Variants in CPNE8 observed in about 807,000 individuals in gnomAD.
The protein encoded by CPNE8 is copine-8.
Under a neutral mutation model 81.5 loss-of-function variants are expected in CPNE8, and 45 were observed. The ratio of observed to expected loss-of-function variants is 0.55; its 90% confidence interval spans 0.44 to 0.71. The LOEUF (loss-of-function observed/expected upper bound fraction) is 0.71, where lower values mean the gene tolerates loss of function less well. CPNE8 is among the 30% of genes least tolerant of loss of function. The probability of loss-of-function intolerance (pLI) is 0.00; values close to 1 mark genes in which losing one functional copy is unlikely to be tolerated. For missense variants in CPNE8, 594 were observed against 672.1 expected (o/e 0.88, Z 1.28); for synonymous variants, 252 against 226.3 (o/e 1.11, Z -1.02).
Position 38,672,816 on chromosome 12 carries a change from A to G in CPNE8, c.1433-2014T>C, listed in dbSNP as rs575883965. ...CAGAGTTAAATTTAAATAATCTAAT[A>G]GTCTATTCTTATTTCCTGTACCTTC... On this transcript the variant is annotated intron_variant, in intron 18 of 19. Coordinates refer to ENST00000331366, the MANE Select transcript of CPNE8 (RefSeq NM_153634.3). 6.6e-5 allele frequency among the ~76,000 whole-genome samples: 10 copies of G among 152,334 alleles called. No individual in the cohort carries two copies. In the East Asian group the frequency reaches 1.9e-3, roughly 29 times the overall value.
chr12:38,704,673 T>C (rs1247625932), intron 13 of CPNE8, among the ~76,000 whole-genome samples: 1 of 151,734 alleles, frequency 6.6e-6, no homozygotes, highest in Admixed American at 6.6e-5. Flanking sequence ...AGTGATCCTG[T>C]GGCTGATTGG....
chr12:38,685,414 T>C, intron 16 of CPNE8, 76 bp downstream of exon 16: 2 of 1,471,608 alleles, frequency 1.4e-6, no homozygotes, highest in Non-Finnish European at 1.8e-6. Flanking sequence ...ATGTGTGGAG[T>C]CATGCTAGCA....
intron 5 of CPNE8, among the ~76,000 whole-genome samples, chr12:38,838,516 C>A (rs1943420375): frequency 6.6e-6 from 1 of 152,166 alleles, no homozygotes; most frequent in South Asian, 2.1e-4. Context: ...ATAACTTTGA[C>A]TATAAAATGC....
chr12:38,819,542 C>T (rs922489126), intron 6 of CPNE8, among the ~76,000 whole-genome samples: 27 of 151,630 alleles, frequency 1.8e-4, no homozygotes, highest in African/African-American at 5.8e-4. Context: ...CCGAGGCAGG[C>T]GGATCACAAG....
At chr12:38,690,291 A>ATTTAGGATGAG (rs1939644263) in intron 15 of CPNE8, among the ~76,000 whole-genome samples, 1 of 152,182 alleles carries the variant, frequency 6.6e-6, no homozygotes, top group Non-Finnish European at 1.5e-5. Flanking sequence ...TATTGCAGTG[A>ATTTAGGATGAG]CTTAGGATGA....
chr12:38,775,727 T>A (rs1453589025), intron 7 of CPNE8, among the ~76,000 whole-genome samples: 5 of 152,216 alleles, frequency 3.3e-5, no homozygotes, highest in Non-Finnish European at 7.3e-5. Flanking sequence ...GTAGTCATAC[T>A]GCTAGCTGTA....
chr12:38,775,254 G>A lies in CPNE8; in HGVS notation c.471+984C>T, dbSNP rs377476293. ...CTCCCACCTTGGCCTCCCAAAGGCT[G>A]AGATTACAGGCATGAGCCACCATGT... On this transcript the variant is annotated intron_variant, in intron 7 of 19. Coordinates refer to ENST00000331366, the MANE Select transcript of CPNE8 (RefSeq NM_153634.3). Among the ~76,000 whole-genome samples the A allele has an allele frequency of 6.0e-4, 91 of 152,242 alleles. 1 individual carries two copies. The South Asian group carries it at 0.018, about 30-fold the overall frequency.
At chr12:38,814,039 A>C (rs1942980545) in intron 6 of CPNE8, among the ~76,000 whole-genome samples, 1 of 152,116 alleles carries the variant, frequency 6.6e-6, no homozygotes, top group Non-Finnish European at 1.5e-5. Context: ...GAGTAGTTGT[A>C]CAAGAAGAGT....
chr12:38,789,036 T>A (rs1942264397), intron 6 of CPNE8, among the ~76,000 whole-genome samples: 1 of 151,880 alleles, frequency 6.6e-6, no homozygotes, highest in African/African-American at 2.4e-5. Context: ...CCCTAAGCAT[T>A]CTACAGTTTC....
chr12:38,748,951 G>C (rs1941297116), intron 10 of CPNE8, among the ~76,000 whole-genome samples: 1 of 152,060 alleles, frequency 6.6e-6, no homozygotes, highest in African/African-American at 2.4e-5. Context: ...AATGTTATTT[G>C]TTATATATTA....
intron 17 of CPNE8, chr12:38,676,311 C>G: frequency 1.0e-6 from 1 of 984,864 alleles, no homozygotes; most frequent in Non-Finnish European, 1.2e-6. Flanking sequence ...GTGGGACATT[C>G]TTCGGAAATG....
At chr12:38,867,956 AC>A (rs1943939388) in intron 3 of CPNE8, among the ~76,000 whole-genome samples, 1 of 152,198 alleles carries the variant, frequency 6.6e-6, no homozygotes. Flanking sequence ...AATTTTGACT[AC>A]AGATTAATTT....
At chr12:38,718,579 C>T (rs572945692) in intron 13 of CPNE8, among the ~76,000 whole-genome samples, 19 of 152,196 alleles carry the variant, frequency 1.2e-4, no homozygotes, top group African/African-American at 4.3e-4. Flanking sequence ...GGTAAACATC[C>T]TGCACAGATT....
chr12:38,696,388 A>T (rs1054831149), intron 14 of CPNE8, among the ~76,000 whole-genome samples: 3 of 150,264 alleles, frequency 2.0e-5, no homozygotes, highest in Admixed American at 1.3e-4. Flanking sequence ...AAAAAAAAAA[A>T]TGGCAATTTA....
At chr12:38,902,334 A>AGGAT (rs1382901457) in intron 1 of CPNE8, among the ~76,000 whole-genome samples, 17 of 78,042 alleles carry the variant, frequency 2.2e-4, no homozygotes, top group African/African-American at 1.3e-3. Context: ...GAAAGAAAGA[A>AGGAT]AGAAAGAAAG....
At chr12:38,777,790 C>T (rs1462349616) in intron 6 of CPNE8, among the ~76,000 whole-genome samples, 1 of 152,114 alleles carries the variant, frequency 6.6e-6, no homozygotes, top group Non-Finnish European at 1.5e-5. Context: ...TCTGCAACCC[C>T]AGGGCTGCAG....
chr12:38,797,205 A>C (rs1942507061), intron 6 of CPNE8, among the ~76,000 whole-genome samples: 1 of 152,190 alleles, frequency 6.6e-6, no homozygotes, highest in South Asian at 2.1e-4. Flanking sequence ...TGGTTCTCCC[A>C]GCACTCAGCT....
chr12:38,790,710 C>A (rs1278248946), intron 6 of CPNE8, among the ~76,000 whole-genome samples: 10 of 151,454 alleles, frequency 6.6e-5, no homozygotes, highest in Admixed American at 6.6e-4. Flanking sequence ...CTCATATACA[C>A]CTTAAATATA....
chr12:38,790,012 C>G (rs1942285113), intron 6 of CPNE8, among the ~76,000 whole-genome samples: 1 of 151,702 alleles, frequency 6.6e-6, no homozygotes, highest in Non-Finnish European at 1.5e-5. Flanking sequence ...TAAATTAGTA[C>G]AATCACTACG....
Sources: gnomAD v4.1 joint callset for allele counts (sites outside exome capture counted in the v4.1 genomes callset) on GRCh38, gnomAD v4.1.1 for gene constraint, MANE v1.5 for transcripts, NCBI Gene and HGNC (gene_info 2026-07-23, HGNC 2026-07-21) for gene names.